The following FARP1 variants were observed in gnomAD, a reference collection of about 807,000 sequenced individuals.
FARP1 encodes the protein FERM, ARHGEF and pleckstrin domain-containing protein 1.
In FARP1, 52 loss-of-function variants were observed where a neutral mutation model predicts 128.8. The ratio of observed to expected loss-of-function variants is 0.40; its 90% CI spans 0.32 to 0.51. The LOEUF is 0.51. FARP1 is among the 20% of genes least tolerant of loss of function. The pLI, the probability that FARP1 is intolerant of heterozygous loss-of-function variation, is 0.45. For synonymous variants in FARP1, 580 were observed against 551.8 expected (o/e 1.05, Z -0.72); for missense variants, 1,333 against 1,367.9 (o/e 0.97, Z 0.40).
At chr13:98,261,503 A>G (rs1327820789) in intron 2 of FARP1, among the ~76,000 whole-genome samples, 1 of 148,250 alleles carries the variant, frequency 6.7e-6, no homozygotes, top group African/African-American at 2.5e-5. Flanking sequence ...TCCCACTGGT[A>G]TGCATGTCTG....
At chr13:98,325,466 T>C (rs992973413) in intron 2 of FARP1, among the ~76,000 whole-genome samples, 1 of 152,180 alleles carries the variant, frequency 6.6e-6, no homozygotes, top group African/African-American at 2.4e-5. Flanking sequence ...GCTGATGATT[T>C]AAGGAGTAAA....
At chr13:98,347,848 G>A (rs1594429594) in intron 3 of FARP1, among the ~76,000 whole-genome samples, 1 of 152,136 alleles carries the variant, frequency 6.6e-6, no homozygotes, top group Non-Finnish European at 1.5e-5. Flanking sequence ...GTAACAACTG[G>A]GTTCACCCCA....
At chr13:98,331,519 G>C (rs1399433016) in intron 2 of FARP1, among the ~76,000 whole-genome samples, 1 of 152,160 alleles carries the variant, frequency 6.6e-6, no homozygotes, top group Non-Finnish European at 1.5e-5. Context: ...TTAAAGTACG[G>C]TGAGGTTTAA....
chr13:98,169,941 TC>T (rs1877535515), intron 1 of FARP1, among the ~76,000 whole-genome samples: 1 of 152,200 alleles, frequency 6.6e-6, no homozygotes, highest in African/African-American at 2.4e-5. Flanking sequence ...AGGAAGATTC[TC>T]TACTTTCCTA....
rs555227625 is a variant in FARP1, at chr13:98,311,418, T to G, written c.172-32344T>G. Among the ~76,000 whole-genome samples the G allele has an allele frequency of 9.1e-4, 139 of 152,376 alleles. 2 individuals carry two copies. Among genetic ancestry groups the G allele is most frequent in the South Asian group, 8.9e-3 (43 of 4,828 alleles). ...CTCCCTCTCCCACCTCCAGCCCTGGTTTGCTTCCTGTTAGGGCAATGAATT... is the reference window on the plus strand; with the variant it reads ...CTCCCTCTCCCACCTCCAGCCCTGGGTTGCTTCCTGTTAGGGCAATGAATT... On this transcript the variant is annotated intron_variant, in intron 2 of 26. Transcript: ENST00000319562.
At chr13:98,269,051 G>GT (rs1308581500) in intron 2 of FARP1, among the ~76,000 whole-genome samples, 1 of 152,096 alleles carries the variant, frequency 6.6e-6, no homozygotes, top group African/African-American at 2.4e-5. Context: ...TGGTAGCTGA[G>GT]TTAAGGGACT....
intron 2 of FARP1, among the ~76,000 whole-genome samples, chr13:98,254,618 T>C (rs1883497319): frequency 6.6e-6 from 1 of 151,850 alleles, no homozygotes; most frequent in African/African-American, 2.4e-5. Flanking sequence ...GCCAAATGCA[T>C]GGCGGTGTAG....
chr13:98,296,706 T>TC (rs397743413), intron 2 of FARP1, among the ~76,000 whole-genome samples: 20 of 149,408 alleles, frequency 1.3e-4, no homozygotes, highest in Admixed American at 4.0e-4. Flanking sequence ...TTTTTTTTTT[T>TC]CCTGAGACAG....
intron 2 of FARP1, among the ~76,000 whole-genome samples, chr13:98,280,489 C>T (rs1884881842): frequency 6.6e-6 from 1 of 152,214 alleles, no homozygotes; most frequent in South Asian, 2.1e-4. Flanking sequence ...CCCCGCTCAC[C>T]CCAGCTCTCT....
chr13:98,312,491 G>T (rs1361789565), intron 2 of FARP1, among the ~76,000 whole-genome samples: 2 of 152,098 alleles, frequency 1.3e-5, no homozygotes, highest in African/African-American at 4.8e-5. Flanking sequence ...GTGCATGTTT[G>T]TGCTTCAAAC....
intron 2 of FARP1, among the ~76,000 whole-genome samples, chr13:98,292,814 A>G (rs184162775): frequency 8.5e-5 from 13 of 152,250 alleles, no homozygotes; most frequent in African/African-American, 3.1e-4. Flanking sequence ...GTGGTGTAGG[A>G]TGGGAAGCTC....
chr13:98,313,632 G>T (rs916727363), intron 2 of FARP1, among the ~76,000 whole-genome samples: 8 of 152,224 alleles, frequency 5.3e-5, no homozygotes, highest in Non-Finnish European at 1.0e-4. Flanking sequence ...TAAGGCTGCT[G>T]TTGGACTTAC....
At chr13:98,230,749 G>A (rs756495041) in intron 2 of FARP1, among the ~76,000 whole-genome samples, 8 of 152,152 alleles carry the variant, frequency 5.3e-5, no homozygotes, top group Non-Finnish European at 7.4e-5. Context: ...AAGGATCTAC[G>A]GGTAAAGGAG....
At chr13:98,251,938 C>T (rs1883349679) in intron 2 of FARP1, among the ~76,000 whole-genome samples, 1 of 152,172 alleles carries the variant, frequency 6.6e-6, no homozygotes, top group Admixed American at 6.5e-5. Context: ...GTCTCCGCCT[C>T]CTGGGTCCAA....
chr13:98,397,775 G>A (rs1195952603), intron 13 of FARP1: 1 of 151,872 alleles, frequency 6.6e-6, no homozygotes. Context: ...CGAATCTAGT[G>A]GAATACAGTA....
chr13:98,290,380 C>G (rs1244004396), intron 2 of FARP1, among the ~76,000 whole-genome samples: 1 of 151,886 alleles, frequency 6.6e-6, no homozygotes, highest in Non-Finnish European at 1.5e-5. Context: ...GAAATGACCT[C>G]AAAAATGACT....
At chr13:98,406,590 T>TA (rs11410667) in intron 13 of FARP1, 106,771 of 152,128 alleles carry the variant, frequency 0.7, 38,729 homozygotes, top group Middle Eastern at 0.76. Context: ...AAGTAGTTGT[T>TA]ACTGACATCT....
chr13:98,385,639 C>T, intron 7 of FARP1, 28 bp from the exon 8 acceptor site: 1 of 1,613,052 alleles, frequency 6.2e-7, no homozygotes, highest in Admixed American at 1.7e-5. Context: ...AATCTCCTGG[C>T]CTTTCTGTTT....
At chr13:98,352,407 C>T (rs573507030) in intron 3 of FARP1, among the ~76,000 whole-genome samples, 11 of 152,222 alleles carry the variant, frequency 7.2e-5, no homozygotes, top group African/African-American at 1.4e-4. Flanking sequence ...TTGAGACGGG[C>T]CATCACTCAA....
Sources: allele counts gnomAD v4.1 joint callset (sites outside exome capture counted in the v4.1 genomes callset), GRCh38; gene constraint gnomAD v4.1.1; transcripts MANE v1.5; gene names NCBI Gene and HGNC (gene_info 2026-07-23, HGNC 2026-07-21).